The following ZXDC variants were observed in gnomAD, a reference collection of about 807,000 sequenced individuals.
ZXDC encodes the protein ZXD family zinc finger C.
ZXDC carries 58 observed loss-of-function variants against 63.6 expected under a neutral mutation model. The ratio of observed to expected loss-of-function variants is 0.91; its 90% CI spans 0.74 to 1.13. ZXDC has a LOEUF of 1.13. Among genes scored for constraint, ZXDC ranks in the 50% most tolerant of loss-of-function variants. The pLI is 0.00. For missense variants in ZXDC, 1,133 were observed against 1,148.9 expected, an observed-to-expected ratio of 0.99 and a Z score of 0.20; for synonymous variants, 561 against 496.1, an observed-to-expected ratio of 1.13 and a Z score of -1.74.
chr3:126,438,772 C>T (rs554155832), intron 9 of ZXDC, among the ~76,000 whole-genome samples: 8 of 152,222 alleles, frequency 5.3e-5, no homozygotes, highest in Non-Finnish European at 1.2e-4. Context: ...ACTTCTCACG[C>T]GGTGAGCACT....
At chr3:126,449,645 G>C (rs1007628840) in intron 7 of ZXDC, among the ~76,000 whole-genome samples, 13 of 152,198 alleles carry the variant, frequency 8.5e-5, no homozygotes, top group Admixed American at 7.9e-4. Flanking sequence ...TTGTTAAATA[G>C]AAGTTTCCTC....
At chr3:126,459,233 GAC>G (rs1934426145) in intron 7 of ZXDC, 10 of 985,286 alleles carry the variant, frequency 1.0e-5, no homozygotes, top group Admixed American at 6.1e-5. Context: ...AATGCCACAG[GAC>G]ACACAGTTTG....
chr3:126,475,696 T>A lies in ZXDC; in HGVS notation c.170A>T (p.Glu57Val). The change falls in exon 1 of 10, where the codon GAG (glutamate) becomes GTG (valine). Residue 57 changes from glutamate (E) to valine (V), a missense_variant. Physicochemically the swap from Glu to Val is moderately radical, Grantham distance 121. Coordinates refer to ENST00000389709, the MANE Select transcript of ZXDC (RefSeq NM_025112.5). Reference protein sequence around the residue: ...EDGGPGARPGEASGPSPPPAE... With the variant: ...EDGGPGARPGVASGPSPPPAE... The stretch of plus-strand genomic sequence containing the variant: ...GGGCGGCGGGCTTGGCCCGGAGGCC[T>A]CCCCGGGCCGCGCCCCGGGCCCGCC... The A allele has an allele frequency of 6.1e-6, 8 of 1,302,196 alleles. No individual in the cohort carries two copies. Among genetic ancestry groups the A allele is most frequent in the Non-Finnish European group, 6.8e-6 (7 of 1,027,612 alleles). 80.7% of individuals were successfully genotyped at this position (1,302,196 alleles called of 1,614,324 possible). A position where few individuals can be genotyped will look rare whatever the true frequency, so the allele number is the denominator to read the frequency against.
intron 7 of ZXDC, chr3:126,458,679 C>G: frequency 1.3e-5 from 13 of 985,342 alleles, no homozygotes; most frequent in Non-Finnish European, 1.6e-5. Flanking sequence ...TCTCTTTTTT[C>G]TTCAAGATTA....
At chr3:126,440,177 T>C (rs1055690394) in intron 8 of ZXDC, 33 of 1,001,406 alleles carry the variant, frequency 3.3e-5, no homozygotes, top group Non-Finnish European at 3.7e-5. Context: ...CCAGGGCAGG[T>C]AGAGGGGCTC....
intron 7 of ZXDC, among the ~76,000 whole-genome samples, chr3:126,445,567 G>GA (rs1303724468): frequency 6.6e-6 from 1 of 151,808 alleles, no homozygotes; most frequent in African/African-American, 2.4e-5. Flanking sequence ...AAGTCTGGTG[G>GA]AGAGTTGCAG....
intron 7 of ZXDC, among the ~76,000 whole-genome samples, chr3:126,448,908 G>A (rs1295613380): frequency 1.3e-5 from 2 of 152,240 alleles, no homozygotes; most frequent in East Asian, 1.9e-4. Flanking sequence ...CCAAGAATGC[G>A]AGTCAGACAG....
chr3:126,469,388 A>T (rs1214155708), intron 4 of ZXDC, among the ~76,000 whole-genome samples: 1 of 152,132 alleles, frequency 6.6e-6, no homozygotes, highest in Non-Finnish European at 1.5e-5. Context: ...AACATGTCCA[A>T]ACCAAACTCT....
At chr3:126,472,834 G>A (rs367829500) in intron 1 of ZXDC, among the ~76,000 whole-genome samples, 4 of 151,998 alleles carry the variant, frequency 2.6e-5, no homozygotes, top group South Asian at 4.1e-4. Context: ...TTTTCCTTTC[G>A]CAATTTCCTT....
Position 126,475,881 on chromosome 3 carries a change from G to T in ZXDC, c.-16C>A. 1.9e-6 allele frequency: 2 copies of T among 1,074,454 alleles called. No homozygotes were observed. Among genetic ancestry groups the T allele is most frequent in the Non-Finnish European group, 1.1e-6 (1 of 888,028 alleles). The allele number at this position is 1,074,454 out of a possible 1,614,324, so 66.6% of individuals were successfully genotyped here. On this transcript the variant is annotated 5_prime_UTR_variant, in exon 1 of 10. Transcript: ENST00000389709. ...GGAGGTCCATCTTGGTCCCAGCGAC[G>T]GCGTCGGAGCAGCTTCGGACGCAGA...
chr3:126,460,184 G>A (rs1286751950), intron 6 of ZXDC: 2 of 967,596 alleles, frequency 2.1e-6, no homozygotes, highest in East Asian at 2.3e-4. Flanking sequence ...TCTGGTGGCA[G>A]GGGCTATACT....
rs992524011 is a variant in ZXDC at position 126,470,895 on chromosome 3, C to T, written c.1270G>A (p.Gly424Arg). ...CTCAAAGCAATGTTTTAAAATCTAC[C>T]TTCCACAGGACACTCGAACGGCTTT... ...GTKPFECPVE[G>R]CCARFSARSS... Residue 424 changes from glycine to arginine, a missense_variant and splice_region_variant, in exon 4 of 10, where the codon GGA (glycine) becomes AGA (arginine). Physicochemically the swap from Gly to Arg is moderately radical, Grantham distance 125 (BLOSUM62 -2). Transcript: ENST00000389709. 6.2e-7 allele frequency: 1 copy of T among 1,613,952 alleles called. No homozygotes were observed. The highest frequency in any genetic ancestry group is 8.5e-7 in the Non-Finnish European group (1 of 1,179,958).
chr3:126,471,072 C>A (rs376195636), intron 3 of ZXDC, 47 bp from the exon 4 acceptor site: 30 of 1,593,692 alleles, frequency 1.9e-5, no homozygotes, highest in Non-Finnish European at 2.4e-5. Context: ...ACACAACTCA[C>A]CATAATTCTT....
chr3:126,464,401 A>G (rs77947202), intron 5 of ZXDC, among the ~76,000 whole-genome samples: 25,978 of 152,092 alleles, frequency 0.17, 2,672 homozygotes, highest in East Asian at 0.38. Context: ...CATTAGGGGG[A>G]CTGAAACAAC....
intron 7 of ZXDC, among the ~76,000 whole-genome samples, chr3:126,449,778 C>T (rs1447043658): frequency 1.3e-5 from 2 of 152,222 alleles, no homozygotes; most frequent in East Asian, 3.9e-4. Context: ...AAAGGGGACA[C>T]AGAATGAACT....
chr3:126,443,875 A>G (rs1933775548), intron 7 of ZXDC, among the ~76,000 whole-genome samples: 2 of 152,180 alleles, frequency 1.3e-5, no homozygotes, highest in Admixed American at 6.5e-5. Flanking sequence ...ACTTTGATAG[A>G]TAATTATGAT....
At chr3:126,467,199 G>A (rs1934806406) in intron 4 of ZXDC, among the ~76,000 whole-genome samples, 1 of 152,176 alleles carries the variant, frequency 6.6e-6, no homozygotes. Context: ...CTGCAGCAGA[G>A]CAGATGGTGC....
intron 7 of ZXDC, among the ~76,000 whole-genome samples, chr3:126,448,095 C>G (rs1489127931): frequency 6.6e-6 from 1 of 152,222 alleles, no homozygotes; most frequent in African/African-American, 2.4e-5. Flanking sequence ...AGGATTGTTG[C>G]GAGGACTAAT....
At chr3:126,459,878 G>A in intron 6 of ZXDC, 141 bp from the exon 7 acceptor site, 1 of 1,541,656 alleles carries the variant, frequency 6.5e-7, no homozygotes, top group Non-Finnish European at 8.7e-7. Context: ...CACACAAAGG[G>A]CCAAACGCTA....
Sources: gnomAD v4.1 joint callset for allele counts (sites outside exome capture counted in the v4.1 genomes callset) on GRCh38, gnomAD v4.1.1 for gene constraint, MANE v1.5 for transcripts, NCBI Gene and HGNC (gene_info 2026-07-23, HGNC 2026-07-21) for gene names.